Variants in USP6 observed in about 807,000 individuals in gnomAD.
USP6 encodes the protein ubiquitin specific peptidase 6, also known as ubiquitin carboxyl-terminal hydrolase 6.
In USP6, 128 loss-of-function variants were observed where a neutral mutation model predicts 175.7. That is an observed-to-expected ratio of 0.73 (90% CI 0.63 to 0.84). USP6 has a LOEUF of 0.84. USP6 is among the 40% of genes least tolerant of loss of function. The pLI, the probability that USP6 is intolerant of heterozygous loss-of-function variation, is 0.00. For missense variants in USP6, 1,498 were observed against 1,760.3 expected (o/e 0.85, Z 2.67); for synonymous variants, 562 against 630.6 (o/e 0.89, Z 1.63).
At chr17:5,158,668 A>G (rs560029186) in intron 31 of USP6, among the ~76,000 whole-genome samples, 9 of 122,586 alleles carry the variant, frequency 7.3e-5, no homozygotes, top group Middle Eastern at 3.8e-3. Context: ...AGAGAGAGAG[A>G]GAGATTGAGA....
chr17:5,134,321 G>A (rs2073182629), intron 15 of USP6: 2 of 336,686 alleles, frequency 5.9e-6, no homozygotes, highest in African/African-American at 4.2e-5. Flanking sequence ...AGGATGGAGG[G>A]CCCATGAGCC....
intron 21 of USP6, chr17:5,138,959 G>C: frequency 1.4e-6 from 2 of 1,434,680 alleles, no homozygotes; most frequent in South Asian, 1.2e-5. Context: ...CTGATGGGGG[G>C]CCATATCCCA....
intron 33 of USP6, among the ~76,000 whole-genome samples, chr17:5,166,835 C>A (rs2074106033): frequency 6.6e-6 from 1 of 151,870 alleles, no homozygotes; most frequent in South Asian, 2.1e-4. Flanking sequence ...TTCTACACCA[C>A]CCCCAACATA....
intron 31 of USP6, among the ~76,000 whole-genome samples, chr17:5,158,374 C>T (rs2073930301): frequency 6.6e-6 from 1 of 152,126 alleles, no homozygotes; most frequent in Non-Finnish European, 1.5e-5. Flanking sequence ...CAAGACCAAC[C>T]TGCCCAACAT....
At chr17:5,136,370 A>T (rs914454761) in intron 17 of USP6, among the ~76,000 whole-genome samples, 19 of 151,878 alleles carry the variant, frequency 1.3e-4, no homozygotes, top group African/African-American at 4.6e-4. Context: ...CTCAGCACCC[A>T]CCCTGTTCTG....
In USP6 at chr17:5,145,622, T is replaced by G. The variant is rs751739549; in HGVS notation, c.2167+43T>G. On this transcript the variant is annotated intron_variant, in intron 27 of 37. Coordinates refer to ENST00000574788, the MANE Select transcript of USP6 (RefSeq NM_001304284.2). Reference sequence around the variant, plus strand: ...GAAAAATTACTTGATTCCATTAAATTTACTTTATTTAAATAGCCTGAATTT... The same window carrying G: ...GAAAAATTACTTGATTCCATTAAATGTACTTTATTTAAATAGCCTGAATTT... The G allele has an allele frequency of 5.2e-6, 8 of 1,526,234 alleles. No individual in the cohort carries two copies. The South Asian group carries it at 9.2e-5, about 18-fold the overall frequency. The allele number at this position is 1,526,234 out of a possible 1,614,324, so 94.5% of individuals were successfully genotyped here.
chr17:5,127,315 G>T (rs913945566), intron 6 of USP6, among the ~76,000 whole-genome samples, 189 bp from the exon 7 acceptor site: 1 of 152,180 alleles, frequency 6.6e-6, no homozygotes, highest in African/African-American at 2.4e-5. Flanking sequence ...ACCAGCCCCA[G>T]CCCCATCCTG....
chr17:5,155,541 G>A lies in USP6; in HGVS notation c.2763G>A (p.Trp921Ter), dbSNP rs755018148. Residue 921 changes from tryptophan to a stop codon, truncating the protein, a stop_gained, in exon 31 of 38, where the codon TGG becomes TGA. Coordinates refer to ENST00000574788, the MANE Select transcript of USP6 (RefSeq NM_001304284.2). LOFTEE classifies it high-confidence loss of function. Reference protein sequence around the residue: ...TRKKDLYDAVWIQVSWLARPL... With the variant: ...TRKKDLYDAV ...AGAAAGACCTATATGATGCGGTTTG[G>A]ATTCAAGTATCCTGGTTAGCAAGAC... 57 of 1,613,994 alleles carry A rather than the reference G, an allele frequency of 3.5e-5. No homozygotes were observed. Among genetic ancestry groups the A allele is most frequent in the Middle Eastern group, 3.3e-4 (2 of 6,084 alleles).
intron 4 of USP6, among the ~76,000 whole-genome samples, chr17:5,121,952 CGT>C (rs1459728511): frequency 6.6e-6 from 1 of 151,994 alleles, no homozygotes; most frequent in Non-Finnish European, 1.5e-5. Flanking sequence ...GATTAGATCA[CGT>C]AGGCAATGGG....
At position 5,153,662 on chromosome 17, in the gene USP6, C is replaced by CT. The variant is rs141668531; in HGVS notation, c.2644-1750dup. On this transcript the variant is annotated intron_variant, in intron 30 of 37. Coordinates refer to ENST00000574788, the MANE Select transcript of USP6 (RefSeq NM_001304284.2). ...GTTGGCTTAAAGTTCCTTTCTTTTT[C>CT]TTTTTTTTTTGAGACAGATTCTTGC... Among the ~76,000 whole-genome samples, 98 of 143,574 alleles carry CT rather than the reference C, an allele frequency of 6.8e-4. No individual in the cohort carries two copies. The South Asian group carries it at 9.3e-3, about 14-fold the overall frequency. The allele number at this position is 143,574 out of a possible 152,430, so 94.2% of individuals were successfully genotyped here. A position where few individuals can be genotyped will look rare whatever the true frequency, so the allele number is the denominator to read the frequency against.
intron 2 of USP6, among the ~76,000 whole-genome samples, chr17:5,120,401 C>T (rs573908959): frequency 1.3e-5 from 2 of 152,154 alleles, no homozygotes; most frequent in African/African-American, 4.8e-5. Context: ...AGTCCAGTCC[C>T]GAGTCACAGT....
At chr17:5,159,451 GT>G (rs1246390213) in intron 31 of USP6, among the ~76,000 whole-genome samples, 1 of 152,172 alleles carries the variant, frequency 6.6e-6, no homozygotes, top group Non-Finnish European at 1.5e-5. Flanking sequence ...AGGAGAAGTG[GT>G]GGAGAAAAAA....
chr17:5,118,068 CAAA>C (rs57176092), intron 1 of USP6, 129 bp from the exon 2 acceptor site: 2 of 109,106 alleles, frequency 1.8e-5, no homozygotes, highest in South Asian at 2.9e-4. Context: ...GACTCCGTCT[CAAA>C]AAAAAAAAAA....
In USP6 at chr17:5,146,190, C is replaced by CT. The variant is rs527415450; in HGVS notation, c.2319+17dup. 593 of 1,588,614 alleles carry CT rather than the reference C, an allele frequency of 3.7e-4. 3 individuals carry two copies. The African/African-American group carries it at 7.0e-3, about 19-fold the overall frequency. ...CAACATAAAGGTAATGTTAACTACT[C>CT]TAAGAAACTTTTGATTCTATCCTTC... On this transcript the variant is annotated intron_variant, in intron 28 of 37. Coordinates refer to ENST00000574788, the MANE Select transcript of USP6 (RefSeq NM_001304284.2).
At chr17:5,142,236 G>T (rs968715730) in intron 24 of USP6, 95 bp downstream of exon 24, 20 of 1,543,714 alleles carry the variant, frequency 1.3e-5, no homozygotes, top group African/African-American at 1.2e-4. Context: ...GCGGGAGAAA[G>T]ATTTTATCTT....
chr17:5,158,610 A>G (rs79047058), intron 31 of USP6, among the ~76,000 whole-genome samples: 49 of 103,896 alleles, frequency 4.7e-4, no homozygotes, highest in African/African-American at 1.8e-3. Context: ...AGAGAGGGAG[A>G]GGGGGAGAGA....
chr17:5,144,373 ATG>A (rs1410485912), intron 25 of USP6, among the ~76,000 whole-genome samples: 4 of 152,202 alleles, frequency 2.6e-5, no homozygotes, highest in African/African-American at 9.7e-5. Flanking sequence ...ATAGAACAGG[ATG>A]TCTTTCCATG....
chr17:5,135,536 A>G (rs2073225790), intron 16 of USP6, among the ~76,000 whole-genome samples: 2 of 152,196 alleles, frequency 1.3e-5, no homozygotes, highest in Non-Finnish European at 2.9e-5. Flanking sequence ...TCTCAGAACA[A>G]GAAATGACGC....
intron 31 of USP6, among the ~76,000 whole-genome samples, chr17:5,159,191 T>C (rs1257496125): frequency 6.6e-6 from 1 of 152,066 alleles, no homozygotes; most frequent in African/African-American, 2.4e-5. Flanking sequence ...TTCTCTTGGG[T>C]GAAAGAATCA....
Sources: allele counts gnomAD v4.1 joint callset (sites outside exome capture counted in the v4.1 genomes callset), GRCh38; gene constraint gnomAD v4.1.1; transcripts MANE v1.5; gene names NCBI Gene and HGNC (gene_info 2026-07-23, HGNC 2026-07-21).